Variants in EPHA1 observed in about 807,000 individuals in gnomAD.
EPHA1 encodes ephrin type-A receptor 1.
A neutral mutation model predicts 110.1 loss-of-function variants in EPHA1; 92 were observed. That is an observed-to-expected ratio of 0.84 (90% CI 0.71 to 0.99). The LOEUF is 0.99. Ranked by LOEUF, EPHA1 falls within the 50% of genes least tolerant of loss-of-function variation. The pLI is 0.00. For missense variants in EPHA1, 1,204 were observed against 1,285.4 expected (o/e 0.94, Z 0.97); for synonymous variants, 500 against 516.1 (o/e 0.97, Z 0.42).
At chr7:143,408,667 G>A (rs1168461942) in intron 1 of EPHA1, 57 bp downstream of exon 1, 3 of 406,468 alleles carry the variant, frequency 7.4e-6, no homozygotes, top group South Asian at 1.3e-4. Flanking sequence ...GGTGCTGGCC[G>A]GGCCCCGGGA....
chr7:143,391,435 G>A lies in EPHA1; in HGVS notation c.*22C>T, dbSNP rs188984494. The A allele has an allele frequency of 4.8e-5, 78 of 1,613,644 alleles. No homozygotes were observed. In the Middle Eastern group the frequency reaches 6.6e-4, roughly 14 times the overall value. ...CGTCCTTGCTCCTTGCACCCTGATT[G>A]GGCATGGGGTGAGAGGAGGGATCAG... On this transcript the variant is annotated 3_prime_UTR_variant, in exon 18 of 18. Transcript: ENST00000275815.
At position 143,401,503 on chromosome 7, in the gene EPHA1, A is replaced by C; in HGVS notation, c.253T>G (p.Trp85Gly). 2 of 1,614,058 alleles carry C rather than the reference A, an allele frequency of 1.2e-6. No homozygotes were observed. The highest frequency in any genetic ancestry group is 1.7e-6 in the Non-Finnish European group (2 of 1,180,028). Residue 85 changes from tryptophan to glycine, a missense_variant, in exon 3 of 18, where the codon TGG becomes GGG. By Grantham distance (184) the Trp-to-Gly change is radical (BLOSUM62 -2). Transcript: ENST00000275815. This position sits in a 1 kb window ranked among gnomAD's most constrained non-coding sequence, Gnocchi z 4.1. Reference protein sequence around the residue: ...RDTDHWLRSNWIYRGEEASRV... With the variant: ...RDTDHWLRSNGIYRGEEASRV... ...GAAGCCTCCTCCCCGCGGTAGATCC[A>C]ATTGGAGCGAAGCCAGTGGTCAGTG... is the stretch of plus-strand genomic sequence containing the variant.
At position 143,395,457 on chromosome 7, in the gene EPHA1, C is replaced by A; in HGVS notation, c.1945G>T (p.Asp649Tyr). ...YRGTLRLPSQDCKTVAIKTLK... is the reference protein window; with the variant it reads ...YRGTLRLPSQYCKTVAIKTLK... Reference sequence around the variant, plus strand: ...GTCTTAATGGCCACAGTCTTGCAGTCCTGGCTGGGGAGCCTCAGGGTCCCT... The same window carrying A: ...GTCTTAATGGCCACAGTCTTGCAGTACTGGCTGGGGAGCCTCAGGGTCCCT... Residue 649 changes from aspartate to tyrosine, a missense_variant, in exon 12 of 18, where the codon GAC becomes TAC. By Grantham distance (160) the Asp-to-Tyr change is radical (BLOSUM62 -3). Coordinates refer to ENST00000275815, the MANE Select transcript of EPHA1 (RefSeq NM_005232.5). This position sits in a 1 kb window ranked among gnomAD's most constrained non-coding sequence, Gnocchi z 4.7. The A allele has an allele frequency of 6.2e-7, 1 of 1,614,216 alleles. No individual in the cohort carries two copies. Among genetic ancestry groups the A allele is most frequent in the South Asian group, 1.1e-5 (1 of 91,084 alleles).
At position 143,393,554 on chromosome 7, in the gene EPHA1, C is replaced by T; in HGVS notation, c.2696+117G>A. The stretch of plus-strand genomic sequence containing the variant: ...CCCCAAGGGCACGTCTTGCCTCATA[C>T]ACTGGACTTGGTCCAGAGCTCCCCA... On this transcript the variant is annotated intron_variant, in intron 16 of 17. Coordinates refer to ENST00000275815, the MANE Select transcript of EPHA1 (RefSeq NM_005232.5). The surrounding 1 kb of genome is among the most constrained non-coding windows in gnomAD (Gnocchi z 5.6). 8.5e-7 allele frequency: 1 copy of T among 1,171,422 alleles called. No homozygotes were observed. Among genetic ancestry groups the T allele is most frequent in the South Asian group, 1.5e-5 (1 of 64,864 alleles). 72.6% of individuals were successfully genotyped at this position (1,171,422 alleles called of 1,614,324 possible). A position where few individuals can be genotyped will look rare whatever the true frequency, so the allele number is the denominator to read the frequency against.
intron 2 of EPHA1, among the ~76,000 whole-genome samples, chr7:143,407,106 C>G (rs1015614478): frequency 5.3e-5 from 8 of 152,104 alleles, no homozygotes; most frequent in African/African-American, 1.9e-4. Flanking sequence ...TTGATGAAAG[C>G]TTTGGCTGGT....
rs761444161 is a variant in EPHA1 at position 143,400,103 on chromosome 7, T to C, written c.433-50A>G. On this transcript the variant is annotated intron_variant, in intron 3 of 17. Coordinates refer to ENST00000275815, the MANE Select transcript of EPHA1 (RefSeq NM_005232.5). ...GGGAGCAATGGCAAAGTCCTGCTTC[T>C]TTCCCACATAACAGAAACAATCGTT... is the stretch of plus-strand genomic sequence containing the variant. 6 of 1,532,710 alleles carry C rather than the reference T, an allele frequency of 3.9e-6. No homozygotes were observed. In the South Asian group the frequency reaches 5.1e-5, roughly 13 times the overall value. The allele number at this position is 1,532,710 out of a possible 1,614,324, so 94.9% of individuals were successfully genotyped here.
Position 143,395,246 on chromosome 7 carries a change from C to T in EPHA1, c.2084-64G>A. On this transcript the variant is annotated intron_variant, in intron 12 of 17. Transcript: ENST00000275815. The surrounding 1 kb of genome is among the most constrained non-coding windows in gnomAD (Gnocchi z 4.7). ...TTCCTGCCCTTGGCCACACATCCTC[C>T]CTCCACTTCCAGTGGTTTCACCCCT... 6.2e-7 allele frequency: 1 copy of T among 1,613,138 alleles called. No individual in the cohort carries two copies. The highest frequency in any genetic ancestry group is 1.3e-5 in the African/African-American group (1 of 75,052).
chr7:143,399,405 T>G lies in EPHA1; in HGVS notation c.844A>C (p.Ser282Arg). The part of the protein sequence containing the change: ...GSGEACVACP[S>R]GSYRMDMDTP... ...TCCATGTCCATCCGGTAGGAGCCGC[T>G]AGGGCAGGCTGGAGAGAGAACGCAG... is the stretch of plus-strand genomic sequence containing the variant. The change falls in exon 5 of 18, where the codon AGC (serine) becomes CGC (arginine). Residue 282 changes from serine (S) to arginine (R), a missense_variant. Coordinates refer to ENST00000275815, the MANE Select transcript of EPHA1 (RefSeq NM_005232.5). The G allele has an allele frequency of 1.3e-6, 2 of 1,586,892 alleles. No homozygotes were observed. Among genetic ancestry groups the G allele is most frequent in the Non-Finnish European group, 1.7e-6 (2 of 1,165,914 alleles).
At chr7:143,407,474 C>T in intron 2 of EPHA1, 137 bp downstream of exon 2, 1 of 758,406 alleles carries the variant, frequency 1.3e-6, no homozygotes, top group Non-Finnish European at 2.2e-6. Flanking sequence ...GGCTCTGACT[C>T]AGCCTCCTCT....
At chr7:143,405,531 T>C (rs1165698074) in intron 2 of EPHA1, among the ~76,000 whole-genome samples, 2 of 152,050 alleles carry the variant, frequency 1.3e-5, no homozygotes, top group Non-Finnish European at 2.9e-5. Context: ...GGCTGTCTCC[T>C]TGCCCTCCTA....
rs1409913868 is a variant in EPHA1, at chr7:143,391,215, A to G, written c.*242T>C. On this transcript the variant is annotated 3_prime_UTR_variant, in exon 18 of 18. Transcript: ENST00000275815. Reference sequence around the variant, plus strand: ...TACAAAAATATATATATGTGTATGTATGTATATATATTAACCCCTCAGCTC... The same window carrying G: ...TACAAAAATATATATATGTGTATGTGTGTATATATATTAACCCCTCAGCTC... 1.8e-6 allele frequency: 1 copy of G among 548,574 alleles called. No individual in the cohort carries two copies. The highest frequency in any genetic ancestry group is 3.3e-6 in the Non-Finnish European group (1 of 306,364). The allele number at this position is 548,574 out of a possible 1,614,324, so 34.0% of individuals were successfully genotyped here. A position where few individuals can be genotyped will look rare whatever the true frequency, so the allele number is the denominator to read the frequency against.
intron 14 of EPHA1, 139 bp downstream of exon 14, chr7:143,394,669 C>T: frequency 9.8e-7 from 1 of 1,019,246 alleles, no homozygotes; most frequent in Admixed American, 2.1e-5. Context: ...ATCCACCTGC[C>T]TCGGCCTCCC....
chr7:143,396,708 G>A (rs571150167), intron 10 of EPHA1, 198 bp from the exon 11 acceptor site: 98 of 595,726 alleles, frequency 1.6e-4, no homozygotes, highest in Non-Finnish European at 2.4e-4. Context: ...TCCAAGCTCC[G>A]CTGTCCTCAC....
intron 2 of EPHA1, among the ~76,000 whole-genome samples, chr7:143,407,393 G>T (rs940179162): frequency 1.3e-5 from 2 of 151,944 alleles, no homozygotes; most frequent in African/African-American, 2.4e-5. Context: ...GTATTCACTG[G>T]AGGAGCCAGG....
Position 143,395,234 on chromosome 7 carries a change from C to T in EPHA1, c.2084-52G>A, listed in dbSNP as rs184351147. The T allele has an allele frequency of 1.9e-6, 3 of 1,613,086 alleles. No homozygotes were observed. The highest frequency in any genetic ancestry group is 2.2e-5 in the East Asian group (1 of 44,880). On this transcript the variant is annotated intron_variant, in intron 12 of 17. Transcript: ENST00000275815. This position sits in a 1 kb window ranked among gnomAD's most constrained non-coding sequence, Gnocchi z 4.7. The stretch of plus-strand genomic sequence containing the variant: ...TCAGAACCGGGCTTCCTGCCCTTGG[C>T]CACACATCCTCCCTCCACTTCCAGT...
In EPHA1 at chr7:143,398,014, C is replaced by CT; in HGVS notation, c.1520dup (p.Pro508AlafsTer2). On this transcript the variant is annotated frameshift_variant, in exon 8 of 18. Transcript: ENST00000275815. LOFTEE classifies it high-confidence loss of function. ...CTCTGACGATGTATGTGGTGTCAGG[C>CT]TGCAGCTCTGTCAGCAAGACCCTGG... 1 of 1,614,166 alleles carries CT rather than the reference C, an allele frequency of 6.2e-7. No individual in the cohort carries two copies. Among genetic ancestry groups the CT allele is most frequent in the Non-Finnish European group, 8.5e-7 (1 of 1,180,018 alleles).
intron 2 of EPHA1, 73 bp downstream of exon 2, chr7:143,407,538 C>T: frequency 1.4e-6 from 2 of 1,476,566 alleles, no homozygotes; most frequent in Non-Finnish European, 1.9e-6. Context: ...TCTGTTCCTC[C>T]ACCCACCTCT....
Position 143,394,204 on chromosome 7 carries a change from C to A in EPHA1, c.2492G>T (p.Ser831Ile). The A allele has an allele frequency of 6.2e-7, 1 of 1,612,930 alleles. No individual in the cohort carries two copies. The highest frequency in any genetic ancestry group is 1.1e-5 in the South Asian group (1 of 91,022). The change falls in exon 15 of 18, where the codon AGC becomes ATC. Residue 831 changes from serine to isoleucine, a missense_variant. Transcript: ENST00000275815. ...SFGDKPYGEM[S>I]NQEVMKSIED... ...ATATTCTGGGCTCACCTCCTGATTG[C>A]TCATCTCCCCATAAGGCTTGTCCCC...
Position 143,394,828 on chromosome 7 carries a change from C to T in EPHA1, c.2332G>A (p.Asp778Asn). The stretch of plus-strand genomic sequence containing the variant: ...CTAACCTGGGTTTCGTATGTGCCAT[C>T]AAAGTCATCCAGGAGGCGAGTCAGG... ...FGLTRLLDDF[D>N]GTYETQGGKI... Residue 778 changes from aspartate to asparagine, a missense_variant, in exon 14 of 18, where the codon GAT (aspartate) becomes AAT (asparagine). By Grantham distance (23) the Asp-to-Asn change is conservative. Transcript: ENST00000275815. 1 of 1,614,144 alleles carries T rather than the reference C, an allele frequency of 6.2e-7. No individual in the cohort carries two copies. Among genetic ancestry groups the T allele is most frequent in the Non-Finnish European group, 8.5e-7 (1 of 1,180,034 alleles).
Sources: allele counts gnomAD v4.1 joint callset (sites outside exome capture counted in the v4.1 genomes callset), GRCh38; gene constraint gnomAD v4.1.1; non-coding constraint Gnocchi (gnomAD v3.1); transcripts MANE v1.5; gene names NCBI Gene and HGNC (gene_info 2026-07-23, HGNC 2026-07-21).